The following PCDHA13 variants were observed in gnomAD, a reference collection of about 807,000 sequenced individuals.
The protein encoded by PCDHA13 is protocadherin alpha 13.
A neutral mutation model predicts 64.8 loss-of-function variants in PCDHA13; 54 were observed. The ratio of observed to expected loss-of-function variants is 0.83; its 90% CI spans 0.67 to 1.04. PCDHA13 has a LOEUF of 1.04. PCDHA13 is among the 50% of genes least tolerant of loss of function. The pLI, the probability that PCDHA13 is intolerant of heterozygous loss-of-function variation, is 0.00. For missense variants in PCDHA13, 1,248 were observed against 1,254.3 expected (o/e 0.99, Z 0.08); for synonymous variants, 587 against 564.4 (o/e 1.04, Z -0.57).
At chr5:140,983,767 A>C (rs550605597) in intron 3 of PCDHA13, among the ~76,000 whole-genome samples, 23 of 152,326 alleles carry the variant, frequency 1.5e-4, no homozygotes, top group African/African-American at 5.3e-4. Context: ...TCAAATACAT[A>C]TCTACATACA....
chr5:140,993,631 G>C (rs1466996708), intron 3 of PCDHA13, among the ~76,000 whole-genome samples: 1 of 152,046 alleles, frequency 6.6e-6, no homozygotes, highest in African/African-American at 2.4e-5. Context: ...ATATATAGTC[G>C]TGTACCAAAT....
Position 140,949,948 on chromosome 5 carries a change from G to T in PCDHA13, c.2395-29001G>T, listed in dbSNP as rs2094436034. Among the ~76,000 whole-genome samples the T allele has an allele frequency of 2.0e-5, 3 of 151,288 alleles. No individual in the cohort carries two copies. In the South Asian group the frequency reaches 6.2e-4, roughly 31 times the overall value. On this transcript the variant is annotated intron_variant, in intron 1 of 3. Coordinates refer to ENST00000289272, the MANE Select transcript of PCDHA13 (RefSeq NM_018904.3). ...GATTTTTTTTAATTTGCATTTTTTA[G>T]TGGTTGCTGTAAGGATTACAGCATA...
intron 1 of PCDHA13, among the ~76,000 whole-genome samples, chr5:140,942,239 T>C (rs1554214876): frequency 6.6e-6 from 1 of 152,156 alleles, no homozygotes; most frequent in African/African-American, 2.4e-5. Context: ...AAATAAGATA[T>C]CCATATCATT....
At chr5:140,943,267 AAAAAAAAAAAG>A in intron 1 of PCDHA13, among the ~76,000 whole-genome samples, 2 of 150,426 alleles carry the variant, frequency 1.3e-5, no homozygotes, top group South Asian at 2.1e-4. Context: ...CAAAAAAAAA[AAAAAAAAAAAG>A]AAAGAAAGAA....
chr5:140,888,647 T>C (rs781796685), intron 1 of PCDHA13, among the ~76,000 whole-genome samples: 2 of 152,244 alleles, frequency 1.3e-5, no homozygotes, highest in African/African-American at 2.4e-5. Context: ...AATACTTTCC[T>C]GAGGACACCA....
chr5:140,968,715 A>G, intron 1 of PCDHA13: 1 of 1,614,132 alleles, frequency 6.2e-7, no homozygotes, highest in Non-Finnish European at 8.5e-7. Context: ...AAGATGGGAG[A>G]TGAGAGTGGT....
Position 141,010,924 on chromosome 5 carries a change from T to G in PCDHA13, c.*987T>G, listed in dbSNP as rs1016736721. 1 of 153,778 alleles carries G rather than the reference T, an allele frequency of 6.5e-6. No homozygotes were observed. Among genetic ancestry groups the G allele is most frequent in the Non-Finnish European group, 1.5e-5 (1 of 68,046 alleles). 9.5% of individuals were successfully genotyped at this position (153,778 alleles called of 1,614,324 possible). A position where few individuals can be genotyped will look rare whatever the true frequency, so the allele number is the denominator to read the frequency against. Reference sequence around the variant, plus strand: ...CCCCTAAACTCTCCTCAAAAGAGAATTCAGTCTACAGCCATTTAAATGATC... The same window carrying G: ...CCCCTAAACTCTCCTCAAAAGAGAAGTCAGTCTACAGCCATTTAAATGATC... On this transcript the variant is annotated 3_prime_UTR_variant, in exon 4 of 4. Transcript: ENST00000289272.
intron 3 of PCDHA13, among the ~76,000 whole-genome samples, chr5:140,999,635 A>C (rs2097866612): frequency 6.6e-6 from 1 of 152,192 alleles, no homozygotes; most frequent in Non-Finnish European, 1.5e-5. Flanking sequence ...AAGGTAGAGA[A>C]AACTGTGCAG....
At chr5:140,899,545 G>A (rs2067400002) in intron 1 of PCDHA13, among the ~76,000 whole-genome samples, 1 of 152,158 alleles carries the variant, frequency 6.6e-6, no homozygotes, top group African/African-American at 2.4e-5. Context: ...TGATCATGGT[G>A]GATAAGCTTT....
chr5:140,956,921 G>T (rs2095321008), intron 1 of PCDHA13, among the ~76,000 whole-genome samples: 1 of 151,968 alleles, frequency 6.6e-6, no homozygotes, highest in Admixed American at 6.6e-5. Context: ...CTTTAATCTT[G>T]CTGGATATAG....
Position 140,945,638 on chromosome 5 carries a change from A to G in PCDHA13, c.2395-33311A>G, listed in dbSNP as rs187448798. ...CATGGTACTGGCATAAAAGACATGTAGACCAATGGAGCAGAATACAGCTCC... is the reference window on the plus strand; with the variant it reads ...CATGGTACTGGCATAAAAGACATGTGGACCAATGGAGCAGAATACAGCTCC... On this transcript the variant is annotated intron_variant, in intron 1 of 3. Transcript: ENST00000289272. 2.6e-5 allele frequency among the ~76,000 whole-genome samples: 4 copies of G among 152,300 alleles called. No homozygotes were observed. The East Asian group carries it at 5.8e-4, about 22-fold the overall frequency.
At chr5:140,998,903 G>C (rs1465203456) in intron 3 of PCDHA13, among the ~76,000 whole-genome samples, 1 of 152,156 alleles carries the variant, frequency 6.6e-6, no homozygotes, top group East Asian at 1.9e-4. Context: ...CAATGCCTCC[G>C]GGAGGTAGCT....
Position 140,883,292 on chromosome 5 carries a change from G to C in PCDHA13, c.1024G>C (p.Asp342His), listed in dbSNP as rs1352359327. ...TTGTACCCTTTTGGTGGAAGTACTA[G>C]ATGTAAATGATAACGCCCCAGAGGT... Reference protein sequence around the residue: ...GHCTLLVEVLDVNDNAPEVTI... With the variant: ...GHCTLLVEVLHVNDNAPEVTI... Residue 342 changes from aspartate (D) to histidine (H), a missense_variant, in exon 1 of 4, where the codon GAT becomes CAT. Coordinates refer to ENST00000289272, the MANE Select transcript of PCDHA13 (RefSeq NM_018904.3). The C allele has an allele frequency of 6.2e-7, 1 of 1,613,946 alleles. No homozygotes were observed. The highest frequency in any genetic ancestry group is 8.5e-7 in the Non-Finnish European group (1 of 1,180,038).
At chr5:140,947,304 T>A (rs1370804451) in intron 1 of PCDHA13, among the ~76,000 whole-genome samples, 1 of 151,606 alleles carries the variant, frequency 6.6e-6, no homozygotes, top group Admixed American at 6.6e-5. Flanking sequence ...CTTGACATCT[T>A]TGTAAAAAGT....
intron 3 of PCDHA13, among the ~76,000 whole-genome samples, chr5:141,009,289 T>C (rs1474871800): frequency 1.4e-4 from 22 of 152,136 alleles, no homozygotes; most frequent in African/African-American, 5.1e-4. Context: ...ATCCCATTTC[T>C]ATAAAATTTT....
intron 3 of PCDHA13, among the ~76,000 whole-genome samples, chr5:141,007,967 G>A (rs1191510244): frequency 6.6e-6 from 1 of 152,176 alleles, no homozygotes; most frequent in Admixed American, 6.5e-5. Flanking sequence ...TTCTCTGGGT[G>A]TCTGTCATGT....
rs1308888029 is a variant in PCDHA13 at position 141,011,344 on chromosome 5, A to G, written c.*1407A>G. Reference sequence around the variant, plus strand: ...ACACCTATGATGTTACCTGAAATCAATCTCCCATATGTATGCTGTATGCTA... The same window carrying G: ...ACACCTATGATGTTACCTGAAATCAGTCTCCCATATGTATGCTGTATGCTA... On this transcript the variant is annotated 3_prime_UTR_variant, in exon 4 of 4. Coordinates refer to ENST00000289272, the MANE Select transcript of PCDHA13 (RefSeq NM_018904.3). 3 of 153,730 alleles carry G rather than the reference A, an allele frequency of 2.0e-5. No homozygotes were observed. The highest frequency in any genetic ancestry group is 2.9e-5 in the Non-Finnish European group (2 of 68,040). The allele number at this position is 153,730 out of a possible 1,614,324, so 9.5% of individuals were successfully genotyped here.
At chr5:140,982,439 G>T in intron 2 of PCDHA13, 36 bp from the exon 3 acceptor site, 1 of 1,613,560 alleles carries the variant, frequency 6.2e-7, no homozygotes, top group Non-Finnish European at 8.5e-7. Context: ...AAGAATTTAT[G>T]ATCTAACCGT....
chr5:141,002,973 G>A (rs1313247449), intron 3 of PCDHA13, among the ~76,000 whole-genome samples: 2 of 152,216 alleles, frequency 1.3e-5, no homozygotes, highest in African/African-American at 2.4e-5. Flanking sequence ...CCTGAAAATA[G>A]TATCCTTGGT....
Sources: gnomAD v4.1 joint callset for allele counts (sites outside exome capture counted in the v4.1 genomes callset) on GRCh38, gnomAD v4.1.1 for gene constraint, MANE v1.5 for transcripts, NCBI Gene and HGNC (gene_info 2026-07-23, HGNC 2026-07-21) for gene names.